IMPG2: variants seen among roughly 807,000 people sequenced by gnomAD.
The protein encoded by IMPG2 is IPM 200.
Under a neutral mutation model 129.2 loss-of-function variants are expected in IMPG2, and 91 were observed. That is an observed-to-expected ratio of 0.70 (90% CI 0.59 to 0.84). The LOEUF is 0.84. Ranked by LOEUF, IMPG2 falls within the 40% of genes least tolerant of loss-of-function variation. The pLI is 0.00. For missense variants in IMPG2, 1,430 were observed against 1,461.7 expected, an observed-to-expected ratio of 0.98 and a Z score of 0.35; for synonymous variants, 510 against 517.7, an observed-to-expected ratio of 0.99 and a Z score of 0.20.
intron 12 of IMPG2, 64 bp downstream of exon 12, chr3:101,245,738 C>G: frequency 1.4e-6 from 2 of 1,447,508 alleles, no homozygotes; most frequent in South Asian, 1.1e-5. Context: ...TAGTCTCTTC[C>G]TCTCTTTAAA....
chr3:101,287,636 G>A (rs1706961999), intron 4 of IMPG2, among the ~76,000 whole-genome samples: 1 of 152,080 alleles, frequency 6.6e-6, no homozygotes, highest in South Asian at 2.1e-4. Context: ...ATGAACAATG[G>A]GGAAAGGACT....
chr3:101,251,263 C>T (rs1706541177), intron 11 of IMPG2, among the ~76,000 whole-genome samples: 1 of 152,112 alleles, frequency 6.6e-6, no homozygotes, highest in Non-Finnish European at 1.5e-5. Flanking sequence ...CTTTTCACTT[C>T]ATAAAAATTA....
At position 101,319,676 on chromosome 3, in the gene IMPG2, C is replaced by A; in HGVS notation, c.242G>T (p.Arg81Ile). 3 of 1,613,724 alleles carry A rather than the reference C, an allele frequency of 1.9e-6. No individual in the cohort carries two copies. The highest frequency in any genetic ancestry group is 1.1e-5 in the South Asian group (1 of 91,082). ...CACTCCATTAGGAAACAGAATAGATCTCCGCCTTCTGATTAACCACTGTCT... is the reference window on the plus strand; with the variant it reads ...CACTCCATTAGGAAACAGAATAGATATCCGCCTTCTGATTAACCACTGTCT... ...TERQWLIRRR[R>I]SILFPNGVKI... The change falls in exon 2 of 19, where the codon AGA becomes ATA. Residue 81 changes from arginine to isoleucine, a missense_variant. By Grantham distance (97) the Arg-to-Ile change is moderately conservative. Transcript: ENST00000193391.
At chr3:101,236,287 G>A (rs1706344911) in intron 14 of IMPG2, among the ~76,000 whole-genome samples, 1 of 152,230 alleles carries the variant, frequency 6.6e-6, no homozygotes, top group African/African-American at 2.4e-5. Flanking sequence ...ATACTGCACA[G>A]GGGTGGGGCT....
Position 101,273,608 on chromosome 3 carries a change from C to G in IMPG2, c.801G>C (p.Gln267His). Residue 267 changes from glutamine to histidine, a missense_variant, in exon 7 of 19, where the codon CAG (glutamine) becomes CAC (histidine). Transcript: ENST00000193391. Reference protein sequence around the residue: ...ELQDSSSFHHQHLEEEFISEV... With the variant: ...ELQDSSSFHHHHLEEEFISEV... ...CTGAAATAAATTCTTCTTCAAGGTGCTGGTGGTGAAAGCTGGAGGAATCCT... is the reference window on the plus strand; with the variant it reads ...CTGAAATAAATTCTTCTTCAAGGTGGTGGTGGTGAAAGCTGGAGGAATCCT... 6.2e-7 allele frequency: 1 copy of G among 1,613,966 alleles called. No individual in the cohort carries two copies. Among genetic ancestry groups the G allele is most frequent in the Non-Finnish European group, 8.5e-7 (1 of 1,180,000 alleles).
intron 11 of IMPG2, among the ~76,000 whole-genome samples, chr3:101,252,001 T>C (rs760643392): frequency 3.3e-5 from 5 of 152,160 alleles, no homozygotes; most frequent in Non-Finnish European, 5.9e-5. Context: ...TCTCCTTCAA[T>C]TGTTAATGAT....
At chr3:101,300,224 T>C (rs1707125672) in intron 3 of IMPG2, among the ~76,000 whole-genome samples, 1 of 152,232 alleles carries the variant, frequency 6.6e-6, no homozygotes, top group Non-Finnish European at 1.5e-5. Flanking sequence ...GTATACCTCT[T>C]GGGAGCAAGC....
chr3:101,265,105 C>T (rs1706708622), intron 9 of IMPG2, among the ~76,000 whole-genome samples: 3 of 151,928 alleles, frequency 2.0e-5, no homozygotes. Flanking sequence ...AAAATTGTTA[C>T]AATGACCATA....
At position 101,229,515 on chromosome 3, in the gene IMPG2, G is replaced by A; in HGVS notation, c.3498C>T (p.His1166=). Reference sequence around the variant, plus strand: ...CCTCATACTTCTCACATCCAGCCCTGTGACTTTCATACACGGGGTTGTACT... The same window carrying A: ...CCTCATACTTCTCACATCCAGCCCTATGACTTTCATACACGGGGTTGTACT... ...AVKYNPVYES[H]RAGCEKYEGP... is the part of the protein sequence containing the mutation. Residue 1166 remains histidine, a synonymous_variant, in exon 17 of 19, where the codon CAC becomes CAT. Coordinates refer to ENST00000193391, the MANE Select transcript of IMPG2 (RefSeq NM_016247.4). 1 of 1,613,906 alleles carries A rather than the reference G, an allele frequency of 6.2e-7. No homozygotes were observed.
At chr3:101,307,014 G>A (rs747707681) in intron 2 of IMPG2, among the ~76,000 whole-genome samples, 9 of 152,096 alleles carry the variant, frequency 5.9e-5, no homozygotes, top group Non-Finnish European at 1.3e-4. Flanking sequence ...GGTATTTAGG[G>A]CACTGAAATA....
chr3:101,255,861 T>C (rs1258872311), intron 10 of IMPG2, among the ~76,000 whole-genome samples: 1 of 151,866 alleles, frequency 6.6e-6, no homozygotes, highest in Non-Finnish European at 1.5e-5. Flanking sequence ...GCCTCCCTAA[T>C]GTTTAAGAAT....
At chr3:101,245,362 T>C (rs567967480) in intron 12 of IMPG2, among the ~76,000 whole-genome samples, 43 of 152,314 alleles carry the variant, frequency 2.8e-4, no homozygotes, top group Middle Eastern at 3.4e-3. Context: ...TGTGGCTCCA[T>C]GATTTCGCTT....
intron 14 of IMPG2, 131 bp downstream of exon 14, chr3:101,242,557 G>C: frequency 1.4e-6 from 1 of 723,784 alleles, no homozygotes; most frequent in Non-Finnish European, 2.5e-6. Context: ...ACCAAGATGT[G>C]GAAGATTTGT....
intron 4 of IMPG2, among the ~76,000 whole-genome samples, chr3:101,287,414 A>T (rs933455390): frequency 2.6e-5 from 4 of 152,206 alleles, no homozygotes; most frequent in African/African-American, 7.2e-5. Context: ...TGGAACCAAA[A>T]AAGAGCCTGA....
chr3:101,250,070 G>A (rs1392603222), intron 11 of IMPG2, among the ~76,000 whole-genome samples: 5 of 151,968 alleles, frequency 3.3e-5, no homozygotes, highest in Admixed American at 1.3e-4. Flanking sequence ...AGAGCAAGAC[G>A]CTGTCTCAAA....
chr3:101,256,145 AAAAGAAAG>A (rs57933330), intron 10 of IMPG2, among the ~76,000 whole-genome samples: 8,655 of 77,442 alleles, frequency 0.11, 428 homozygotes, highest in Admixed American at 0.12. Context: ...AGAAAGAAAG[AAAAGAAAG>A]AAAGAAAGAA....
At chr3:101,314,378 TAA>T (rs2058772532) in intron 2 of IMPG2, among the ~76,000 whole-genome samples, 1 of 152,164 alleles carries the variant, frequency 6.6e-6, no homozygotes, top group African/African-American at 2.4e-5. Flanking sequence ...TTTTATATGC[TAA>T]ATCTGGTAAC....
chr3:101,295,901 G>C (rs1707074785), intron 3 of IMPG2, among the ~76,000 whole-genome samples: 2 of 152,138 alleles, frequency 1.3e-5, no homozygotes, highest in Admixed American at 1.3e-4. Flanking sequence ...TGTGTATTTT[G>C]CACATTGATT....
rs138029820 is a variant in IMPG2, at chr3:101,303,546, G to A, written c.501+600C>T. On this transcript the variant is annotated intron_variant, in intron 3 of 18. Transcript: ENST00000193391. Reference sequence around the variant, plus strand: ...ACAATTTGCCACGTACGTCTGGACAGTTTCACTTTCTTGTCATGAATACAT... The same window carrying A: ...ACAATTTGCCACGTACGTCTGGACAATTTCACTTTCTTGTCATGAATACAT... Among the ~76,000 whole-genome samples the A allele has an allele frequency of 3.6e-3, 544 of 152,298 alleles. 7 individuals are homozygous for A. Among genetic ancestry groups the A allele is most frequent in the African/African-American group, 0.012 (495 of 41,568 alleles).
Sources: gnomAD v4.1 joint callset for allele counts (sites outside exome capture counted in the v4.1 genomes callset) on GRCh38, gnomAD v4.1.1 for gene constraint, MANE v1.5 for transcripts, NCBI Gene and HGNC (gene_info 2026-07-23, HGNC 2026-07-21) for gene names.